Variants in XYLT1 observed in about 807,000 individuals in gnomAD.
The protein encoded by XYLT1 is beta-D-xylosyltransferase 1.
XYLT1 carries 36 observed loss-of-function variants against 91.3 expected under a neutral mutation model. The observed-to-expected ratio is 0.39, with a 90% confidence interval of 0.30 to 0.52. The LOEUF (loss-of-function observed/expected upper bound fraction) is 0.52, where lower values mean the gene tolerates loss of function less well. Among genes scored for constraint, XYLT1 ranks in the 20% least tolerant of loss-of-function variants. The pLI is 0.68. For synonymous variants in XYLT1, 588 were observed against 532.0 expected, an observed-to-expected ratio of 1.11 and a Z score of -1.45; for missense variants, 1,242 against 1,284.5, an observed-to-expected ratio of 0.97 and a Z score of 0.51.
intron 6 of XYLT1, among the ~76,000 whole-genome samples, chr16:17,146,901 T>G (rs567357292): frequency 6.6e-6 from 1 of 152,312 alleles, no homozygotes; most frequent in Non-Finnish European, 1.5e-5. Flanking sequence ...TCACGGGTCT[T>G]GCTCTTTCTC....
intron 1 of XYLT1, among the ~76,000 whole-genome samples, chr16:17,367,329 C>T (rs753953178): frequency 4.8e-4 from 73 of 152,324 alleles, no homozygotes; most frequent in Non-Finnish European, 4.1e-4. Context: ...CCCACCATGC[C>T]GCAAATCTTT....
At chr16:17,243,493 G>T (rs1325699517) in intron 3 of XYLT1, among the ~76,000 whole-genome samples, 1 of 152,154 alleles carries the variant, frequency 6.6e-6, no homozygotes, top group East Asian at 1.9e-4. Context: ...AACTATACCA[G>T]GATGACAGGC....
intron 1 of XYLT1, among the ~76,000 whole-genome samples, chr16:17,424,339 G>A (rs2036286886): frequency 6.6e-6 from 1 of 152,104 alleles, no homozygotes; most frequent in African/African-American, 2.4e-5. Context: ...GCTACAAATG[G>A]CACCCACAAG....
intron 5 of XYLT1, chr16:17,197,959 G>C (rs1208602432): frequency 3.6e-6 from 2 of 553,798 alleles, no homozygotes; most frequent in Non-Finnish European, 6.5e-6. Context: ...CACGCGGGTT[G>C]GAGTTTCCGT....
intron 3 of XYLT1, among the ~76,000 whole-genome samples, chr16:17,201,632 G>A (rs769832729): frequency 6.6e-5 from 10 of 151,992 alleles, no homozygotes; most frequent in Admixed American, 3.9e-4. Context: ...GCAACACCAT[G>A]CCTAGCTAAT....
intron 1 of XYLT1, among the ~76,000 whole-genome samples, chr16:17,437,902 T>A (rs1302747587): frequency 6.6e-6 from 1 of 152,230 alleles, no homozygotes; most frequent in East Asian, 1.9e-4. Flanking sequence ...CACGGTGCAG[T>A]CAGCCTTTCT....
intron 6 of XYLT1, among the ~76,000 whole-genome samples, chr16:17,151,525 C>A (rs1478628741): frequency 1.3e-5 from 2 of 152,122 alleles, no homozygotes; most frequent in East Asian, 1.9e-4. Flanking sequence ...GCCTCAGTGT[C>A]CCCATCTGGA....
At chr16:17,332,949 T>C (rs577219762) in intron 2 of XYLT1, among the ~76,000 whole-genome samples, 10 of 152,204 alleles carry the variant, frequency 6.6e-5, no homozygotes, top group Non-Finnish European at 1.3e-4. Context: ...GCAGAGTGTT[T>C]GCAAACCCAG....
At chr16:17,180,231 A>G (rs1223478698) in intron 5 of XYLT1, among the ~76,000 whole-genome samples, 1 of 152,224 alleles carries the variant, frequency 6.6e-6, no homozygotes, top group Non-Finnish European at 1.5e-5. Flanking sequence ...TGTCTGAGAC[A>G]CTGCCCCAAT....
At chr16:17,165,510 C>T (rs907371551) in intron 5 of XYLT1, among the ~76,000 whole-genome samples, 1 of 148,342 alleles carries the variant, frequency 6.7e-6, no homozygotes, top group South Asian at 2.2e-4. Flanking sequence ...CATGGTGAAA[C>T]CTGGTCTCTA....
chr16:17,255,347 A>T (rs977624985), intron 3 of XYLT1, among the ~76,000 whole-genome samples: 1 of 152,122 alleles, frequency 6.6e-6, no homozygotes, highest in Non-Finnish European at 1.5e-5. Context: ...GCATTTGTGT[A>T]TGTGTGGTCT....
chr16:17,173,451 A>G (rs2031872231), intron 5 of XYLT1, among the ~76,000 whole-genome samples: 1 of 152,264 alleles, frequency 6.6e-6, no homozygotes. Flanking sequence ...CATACTAGTC[A>G]CATACCATCC....
chr16:17,223,093 G>C (rs560606882), intron 3 of XYLT1, among the ~76,000 whole-genome samples: 1 of 151,360 alleles, frequency 6.6e-6, no homozygotes, highest in Non-Finnish European at 1.5e-5. Context: ...TGTCTCTTTC[G>C]TGCAAGCCTT....
chr16:17,272,006 G>A (rs2033902034), intron 2 of XYLT1, among the ~76,000 whole-genome samples: 3 of 152,264 alleles, frequency 2.0e-5, no homozygotes, highest in Admixed American at 1.3e-4. Flanking sequence ...GGGGTGACCA[G>A]GGAGAAATGG....
chr16:17,461,134 T>C (rs1266674303), intron 1 of XYLT1, among the ~76,000 whole-genome samples: 1 of 152,192 alleles, frequency 6.6e-6, no homozygotes, highest in Non-Finnish European at 1.5e-5. Context: ...CTGGATCATT[T>C]CCAGGGTTGT....
At chr16:17,335,978 C>T (rs2034973854) in intron 2 of XYLT1, among the ~76,000 whole-genome samples, 1 of 152,170 alleles carries the variant, frequency 6.6e-6, no homozygotes, top group South Asian at 2.1e-4. Flanking sequence ...CACCAGTTTG[C>T]ATGTGACACT....
chr16:17,241,936 G>A (rs370471126), intron 3 of XYLT1, among the ~76,000 whole-genome samples: 6 of 152,136 alleles, frequency 3.9e-5, no homozygotes, highest in Admixed American at 1.3e-4. Flanking sequence ...TCCATGTGGC[G>A]GGGAAGACCT....
At chr16:17,202,572 C>T (rs558648415) in intron 3 of XYLT1, among the ~76,000 whole-genome samples, 1 of 152,266 alleles carries the variant, frequency 6.6e-6, no homozygotes, top group East Asian at 1.9e-4. Context: ...CGCCCTCTCC[C>T]CAGATCTCTG....
intron 11 of XYLT1, among the ~76,000 whole-genome samples, chr16:17,111,791 T>C (rs1345242570): frequency 6.6e-6 from 1 of 152,212 alleles, no homozygotes; most frequent in African/African-American, 2.4e-5. Context: ...TGAGCAGTCA[T>C]TGAGCACATA....
Sources: allele counts gnomAD v4.1 joint callset (sites outside exome capture counted in the v4.1 genomes callset), GRCh38; gene constraint gnomAD v4.1.1; transcripts MANE v1.5; gene names NCBI Gene and HGNC (gene_info 2026-07-23, HGNC 2026-07-21).